Variants in ZNF507 observed in about 807,000 individuals in gnomAD.
The protein encoded by ZNF507 is zinc finger protein 507.
A neutral mutation model predicts 80.0 loss-of-function variants in ZNF507; 29 were observed. That is an observed-to-expected ratio of 0.36 (90% CI 0.27 to 0.49). The LOEUF is 0.49. Among genes scored for constraint, ZNF507 ranks in the 20% least tolerant of loss-of-function variants. The pLI, the probability that ZNF507 is intolerant of heterozygous loss-of-function variation, is 0.98. For synonymous variants in ZNF507, 462 were observed against 422.5 expected (o/e 1.09, Z -1.15); for missense variants, 1,081 against 1,152.2 (o/e 0.94, Z 0.90).
At position 32,386,719 on chromosome 19, in the gene ZNF507, A is replaced by G. The variant is rs982340980; in HGVS notation, c.*3636A>G. On this transcript the variant is annotated 3_prime_UTR_variant, in exon 7 of 7. Transcript: ENST00000355898. ...GTTCATCTGTTCAGAACAGTGAGGC[A>G]AGGTCTGTAGTGCTTCTTTAACTAC... 6.6e-6 allele frequency: 1 copy of G among 152,664 alleles called. No individual in the cohort carries two copies. The highest frequency in any genetic ancestry group is 1.5e-5 in the Non-Finnish European group (1 of 68,058). 9.5% of individuals were successfully genotyped at this position (152,664 alleles called of 1,614,324 possible).
rs371665287 is a variant in ZNF507, at chr19:32,353,655, T to C, written c.825T>C (p.Asp275=). The C allele has an allele frequency of 6.2e-7, 1 of 1,614,076 alleles. No homozygotes were observed. The highest frequency in any genetic ancestry group is 1.3e-5 in the African/African-American group (1 of 74,918). ...CTTGGAAACATGCTGGGGAGGTTGA[T>C]TGCTCCTATCCAATCTTTGAAAATG... ...THAWKHAGEV[D]CSYPIFENEN... The change falls in exon 3 of 7, where the codon GAT becomes GAC. Residue 275 remains aspartate, a synonymous_variant. Transcript: ENST00000355898.
In ZNF507 at chr19:32,383,690, G is replaced by A. The variant is rs1384198355; in HGVS notation, c.*607G>A. The A allele has an allele frequency of 6.6e-6, 1 of 152,160 alleles. No individual in the cohort carries two copies. The highest frequency in any genetic ancestry group is 2.4e-5 in the African/African-American group (1 of 41,426). The allele number at this position is 152,160 out of a possible 1,614,324, so 9.4% of individuals were successfully genotyped here. On this transcript the variant is annotated 3_prime_UTR_variant, in exon 7 of 7. Transcript: ENST00000355898. ...TTTACTCCTTAAAAAAGAAAGGAAA[G>A]ATCTCTAAATTCAAAGCTAGATTGT...
intron 3 of ZNF507, among the ~76,000 whole-genome samples, chr19:32,355,953 C>A (rs925511586): frequency 6.6e-6 from 1 of 152,072 alleles, no homozygotes; most frequent in Middle Eastern, 3.2e-3. Context: ...GAGCCAAGAT[C>A]ATGCCGCTGC....
rs1419257873 is a variant in ZNF507 at position 32,354,496 on chromosome 19, A to C, written c.1666A>C (p.Ser556Arg). 2 of 1,614,096 alleles carry C rather than the reference A, an allele frequency of 1.2e-6. No homozygotes were observed. The highest frequency in any genetic ancestry group is 1.7e-6 in the Non-Finnish European group (2 of 1,180,040). ...TAAAAACTCTTCAGATGGATTAACT[A>C]GTCTTAACCAAAGCAACTCCACCTT... ...PLKNSSDGLTSLNQSNSTLVA... is the reference protein window; with the variant it reads ...PLKNSSDGLTRLNQSNSTLVA... Residue 556 changes from serine to arginine, a missense_variant, in exon 3 of 7, where the codon AGT becomes CGT. Around this residue, in one of 6 missense-constraint regions of ZNF507, gnomAD observed 614 missense variants for 583.9 expected, o/e 1.05. Transcript: ENST00000355898.
Position 32,384,866 on chromosome 19 carries a change from T to C in ZNF507, c.*1783T>C, listed in dbSNP as rs956984981. On this transcript the variant is annotated 3_prime_UTR_variant, in exon 7 of 7. Coordinates refer to ENST00000355898, the MANE Select transcript of ZNF507 (RefSeq NM_001136156.2). ...TAAAAATATGAAATGGATTTATATATACTATATTCCTCAAATCCACTGTAT... is the reference window on the plus strand; with the variant it reads ...TAAAAATATGAAATGGATTTATATACACTATATTCCTCAAATCCACTGTAT... 2 of 152,210 alleles carry C rather than the reference T, an allele frequency of 1.3e-5. No homozygotes were observed. Among genetic ancestry groups the C allele is most frequent in the African/African-American group, 2.4e-5 (1 of 41,470 alleles). 9.4% of individuals were successfully genotyped at this position (152,210 alleles called of 1,614,324 possible).
At chr19:32,363,180 T>C (rs1001036052) in intron 5 of ZNF507, among the ~76,000 whole-genome samples, 15 of 152,244 alleles carry the variant, frequency 9.9e-5, no homozygotes, top group Admixed American at 5.9e-4. Flanking sequence ...GGTGCACTTA[T>C]GGTCAGAGTT....
chr19:32,360,714 A>G (rs1022809827), intron 5 of ZNF507, 96 bp downstream of exon 5: 20 of 582,044 alleles, frequency 3.4e-5, no homozygotes. Context: ...TTACTGAAAC[A>G]CAGGTTAAGA....
intron 4 of ZNF507, chr19:32,357,476 T>C (rs1967268364): frequency 6.6e-6 from 1 of 152,202 alleles, no homozygotes; most frequent in South Asian, 2.1e-4. Context: ...TTAGATTTGC[T>C]AAGAATTAAA....
intron 2 of ZNF507, among the ~76,000 whole-genome samples, chr19:32,347,677 C>G (rs1967113949): frequency 6.6e-6 from 1 of 151,972 alleles, no homozygotes; most frequent in East Asian, 1.9e-4. Context: ...TACACAAAAT[C>G]TACAGAGGCA....
At chr19:32,379,128 C>T (rs575879791) in intron 5 of ZNF507, among the ~76,000 whole-genome samples, 1 of 152,304 alleles carries the variant, frequency 6.6e-6, no homozygotes, top group South Asian at 2.1e-4. Flanking sequence ...CTACAGTACA[C>T]ACCACGACCG....
At position 32,360,617 on chromosome 19, in the gene ZNF507, A is replaced by G. The variant is rs769248570; in HGVS notation, c.2359A>G (p.Arg787Gly). 1 of 1,523,208 alleles carries G rather than the reference A, an allele frequency of 6.6e-7. No individual in the cohort carries two copies. Among genetic ancestry groups the G allele is most frequent in the Admixed American group, 2.0e-5 (1 of 50,460 alleles). 94.4% of individuals were successfully genotyped at this position (1,523,208 alleles called of 1,614,324 possible). Residue 787 changes from arginine to glycine, a missense_variant and splice_region_variant, in exon 5 of 7, where the codon AGA becomes GGA. Transcript: ENST00000355898. ...RRIHNSDKPY[R>G]CSLCGYVCSH... is the part of the protein sequence containing the mutation. Reference sequence around the variant, plus strand: ...AATCCATAACTCTGATAAGCCGTACAGGTAAGTGTTATGATTCTAGAATTT... The same window carrying G: ...AATCCATAACTCTGATAAGCCGTACGGGTAAGTGTTATGATTCTAGAATTT...
At chr19:32,382,127 T>TTGTA in intron 5 of ZNF507, 1 of 187,140 alleles carries the variant, frequency 5.3e-6, no homozygotes, top group South Asian at 1.6e-4. Context: ...AAGTTTTTCT[T>TTGTA]TGTATGATTA....
At chr19:32,381,752 TTAA>T (rs1206875019) in intron 5 of ZNF507, among the ~76,000 whole-genome samples, 1 of 152,120 alleles carries the variant, frequency 6.6e-6, no homozygotes, top group African/African-American at 2.4e-5. Context: ...CACACTGATG[TTAA>T]TAATGGGAGG....
intron 5 of ZNF507, among the ~76,000 whole-genome samples, chr19:32,364,411 T>G (rs1967369103): frequency 6.6e-6 from 1 of 152,224 alleles, no homozygotes; most frequent in South Asian, 2.1e-4. Flanking sequence ...AGTGGTAATT[T>G]GTGAGAACCT....
intron 5 of ZNF507, among the ~76,000 whole-genome samples, chr19:32,374,779 G>A (rs1027711098): frequency 6.6e-6 from 1 of 152,084 alleles, no homozygotes; most frequent in African/African-American, 2.4e-5. Context: ...ACCACACTCG[G>A]CCTATACCTC....
In ZNF507 at chr19:32,354,182, T is replaced by G; in HGVS notation, c.1352T>G (p.Ile451Ser). ...CGTGCTGATAAATGTACTGTTGATA[T>G]TGGGGGATTGATCATAGGCTGGAGC... ...VYRADKCTVD[I>S]GGLIIGWSSS... Residue 451 changes from isoleucine (I) to serine (S), a missense_variant, in exon 3 of 7, where the codon ATT becomes AGT. Around this residue, in one of 6 missense-constraint regions of ZNF507, gnomAD observed 614 missense variants for 583.9 expected, o/e 1.05. Transcript: ENST00000355898. The G allele has an allele frequency of 1.2e-6, 2 of 1,613,384 alleles. No homozygotes were observed.
At chr19:32,370,653 T>A (rs1967458121) in intron 5 of ZNF507, among the ~76,000 whole-genome samples, 2 of 152,238 alleles carry the variant, frequency 1.3e-5, no homozygotes, top group South Asian at 4.1e-4. Flanking sequence ...GATATGTGGT[T>A]TGCAGATATT....
At chr19:32,350,767 C>T (rs1398433739) in intron 2 of ZNF507, among the ~76,000 whole-genome samples, 2 of 152,122 alleles carry the variant, frequency 1.3e-5, no homozygotes, top group African/African-American at 4.8e-5. Flanking sequence ...CAGCAGAGAG[C>T]CGTATCGTGT....
intron 5 of ZNF507, among the ~76,000 whole-genome samples, chr19:32,366,941 T>C: frequency 6.6e-6 from 1 of 152,248 alleles, no homozygotes; most frequent in East Asian, 1.9e-4. Flanking sequence ...TTGAGCATCT[T>C]TTCATTTGTT....
Sources: gnomAD v4.1 joint callset for allele counts (sites outside exome capture counted in the v4.1 genomes callset) on GRCh38, gnomAD v4.1.1 for gene constraint, gnomAD v4.1.1 regional missense constraint, MANE v1.5 for transcripts, NCBI Gene and HGNC (gene_info 2026-07-23, HGNC 2026-07-21) for gene names.